The following PREPL variants were observed in gnomAD, a reference collection of about 807,000 sequenced individuals.
PREPL encodes the protein prolyl endopeptidase-like.
Under a neutral mutation model 70.6 loss-of-function variants are expected in PREPL, and 77 were observed. The observed-to-expected ratio is 1.09, with a 90% CI of 0.91 to 1.32. The LOEUF is 1.32. Ranked by LOEUF, PREPL falls within the 40% of genes most tolerant of loss-of-function variation. The pLI is 0.00. For missense variants in PREPL, 1,002 were observed against 778.2 expected, an observed-to-expected ratio of 1.29 and a Z score of -3.42; for synonymous variants, 315 against 264.8, an observed-to-expected ratio of 1.19 and a Z score of -1.84.
chr2:44,352,815 C>G (rs1430159537), intron 1 of PREPL, among the ~76,000 whole-genome samples: 1 of 152,002 alleles, frequency 6.6e-6, no homozygotes, highest in Non-Finnish European at 1.5e-5. Context: ...GAGAAGATAT[C>G]TACAGCACAT....
intron 8 of PREPL, among the ~76,000 whole-genome samples, chr2:44,330,056 ATTC>A (rs1262251612): frequency 1.3e-5 from 2 of 152,194 alleles, no homozygotes; most frequent in Non-Finnish European, 2.9e-5. Flanking sequence ...TTCTCCTCTC[ATTC>A]TTCTTTAAAA....
intron 1 of PREPL, among the ~76,000 whole-genome samples, chr2:44,349,669 A>C (rs547750588): frequency 2.0e-4 from 31 of 152,300 alleles, no homozygotes; most frequent in African/African-American, 7.2e-4. Flanking sequence ...AAACTGATAG[A>C]AAAAAGAATA....
At position 44,332,467 on chromosome 2, in the gene PREPL, T is replaced by C; in HGVS notation, c.1078A>G (p.Lys360Glu). The C allele has an allele frequency of 6.2e-7, 1 of 1,613,336 alleles. No individual in the cohort carries two copies. Among genetic ancestry groups the C allele is most frequent in the East Asian group, 2.2e-5 (1 of 44,874 alleles). Reference sequence around the variant, plus strand: ...AAGATTATAAGACCTACCTTGCTTTTGGCTTCTAGACGTAAAACGCGACTA... The same window carrying C: ...AAGATTATAAGACCTACCTTGCTTTCGGCTTCTAGACGTAAAACGCGACTA... ...KTSRVLRLEAKSKDGKLVPMT... is the reference protein window; with the variant it reads ...KTSRVLRLEAESKDGKLVPMT... Residue 360 changes from lysine (K) to glutamate (E), a missense_variant, in exon 8 of 14, where the codon AAA becomes GAA. Transcript: ENST00000409411.
In PREPL at chr2:44,342,413, G is replaced by A. The variant is rs1416450873; in HGVS notation, c.485+4C>T. 3 of 1,607,286 alleles carry A rather than the reference G, an allele frequency of 1.9e-6. No homozygotes were observed. Among genetic ancestry groups the A allele is most frequent in the Non-Finnish European group, 2.6e-6 (3 of 1,176,472 alleles). ...AGAAAGATTTAATTATATTATTCTA[G>A]TACCTTGGGTCTTTTTCTGTGTAAA... is the stretch of plus-strand genomic sequence containing the variant. On this transcript the variant is annotated splice_donor_region_variant and intron_variant, in intron 5 of 13. Transcript: ENST00000409411.
At chr2:44,334,956 G>A (rs1372542417) in intron 7 of PREPL, among the ~76,000 whole-genome samples, 1 of 152,166 alleles carries the variant, frequency 6.6e-6, no homozygotes, top group African/African-American at 2.4e-5. Context: ...TATGGTTAAA[G>A]ATTTTGTCTT....
In PREPL at chr2:44,329,064, C is replaced by T. The variant is rs140165185; in HGVS notation, c.1135G>A (p.Asp379Asn). 10 of 1,611,432 alleles carry T rather than the reference C, an allele frequency of 6.2e-6. No individual in the cohort carries two copies. The highest frequency in any genetic ancestry group is 8.5e-6 in the Non-Finnish European group (10 of 1,177,744). ...ACCAAGAGAGGTTTCTTCTGCAAGT[C>T]CTCAGAGTCAGTTTTGTGGAAAACA... ...MTVFHKTDSE[D>N]LQKKPLLVHV... The change falls in exon 9 of 14, where the codon GAC becomes AAC. Residue 379 changes from aspartate (D) to asparagine (N), a missense_variant. Coordinates refer to ENST00000409411, the MANE Select transcript of PREPL (RefSeq NM_001171613.2).
Position 44,343,905 on chromosome 2 carries a change from C to T in PREPL, c.189G>A (p.Lys63=). 2.5e-6 allele frequency: 4 copies of T among 1,614,054 alleles called. No homozygotes were observed. Among genetic ancestry groups the T allele is most frequent in the Non-Finnish European group, 2.5e-6 (3 of 1,179,954 alleles). ...YEVLFNLEEL[K]LDQPFIDCIR... The stretch of plus-strand genomic sequence containing the variant: ...TACAATCAATGAAGGGCTGGTCTAA[C>T]TTAAGTTCCTCCAAATTGAATAAAA... Residue 63 remains lysine (K), a synonymous_variant, in exon 4 of 14, where the codon AAG becomes AAA. Coordinates refer to ENST00000409411, the MANE Select transcript of PREPL (RefSeq NM_001171613.2).
intron 2 of PREPL, 119 bp from the exon 3 acceptor site, chr2:44,344,705 T>C (rs1464378773): frequency 3.4e-5 from 22 of 640,120 alleles, no homozygotes; most frequent in Non-Finnish European, 5.4e-5. Context: ...TTGAAGTATA[T>C]GAATGAACAC....
At chr2:44,350,513 AT>A (rs139645043) in intron 1 of PREPL, among the ~76,000 whole-genome samples, 15,146 of 152,282 alleles carry the variant, frequency 0.099, 815 homozygotes, top group African/African-American at 0.12. Flanking sequence ...ATTAATTCAT[AT>A]TAGCATATAC....
chr2:44,339,089 G>A lies in PREPL; in HGVS notation c.702+58C>T, dbSNP rs916752337. The A allele has an allele frequency of 5.7e-6, 9 of 1,592,488 alleles. No homozygotes were observed. In the African/African-American group the frequency reaches 1.1e-4, roughly 19 times the overall value. On this transcript the variant is annotated intron_variant, in intron 6 of 13. Coordinates refer to ENST00000409411, the MANE Select transcript of PREPL (RefSeq NM_001171613.2). ...AGCTCTTGGAGCAAGAAATGTTGTT[G>A]ATCGAAGTGTGACACTTCTTAACAG...
intron 1 of PREPL, among the ~76,000 whole-genome samples, chr2:44,350,088 T>G (rs1676252301): frequency 6.6e-6 from 1 of 152,202 alleles, no homozygotes; most frequent in South Asian, 2.1e-4. Context: ...ACTACTCATT[T>G]TATTAGGCTA....
rs144293821 is a variant in PREPL at position 44,320,760 on chromosome 2, T to C, written c.*596A>G. ...TTAATTCTTCGATATTTCTGTAGCT[T>C]GAATGTAACTGCTTTAAGAAAGGTT... is the stretch of plus-strand genomic sequence containing the variant. On this transcript the variant is annotated 3_prime_UTR_variant, in exon 14 of 14. Coordinates refer to ENST00000409411, the MANE Select transcript of PREPL (RefSeq NM_001171613.2). 1.2e-4 allele frequency: 102 copies of C among 824,340 alleles called. No homozygotes were observed. In the African/African-American group the frequency reaches 1.6e-3, roughly 13 times the overall value. The allele number at this position is 824,340 out of a possible 1,614,324, so 51.1% of individuals were successfully genotyped here. A position where few individuals can be genotyped will look rare whatever the true frequency, so the allele number is the denominator to read the frequency against.
chr2:44,346,685 A>T (rs1184175978), intron 1 of PREPL, among the ~76,000 whole-genome samples: 1 of 152,146 alleles, frequency 6.6e-6, no homozygotes, highest in Admixed American at 6.5e-5. Context: ...AATGTTCAGA[A>T]ATACTATGGG....
At chr2:44,331,180 T>G (rs1467869704) in intron 8 of PREPL, among the ~76,000 whole-genome samples, 1 of 152,204 alleles carries the variant, frequency 6.6e-6, no homozygotes, top group Non-Finnish European at 1.5e-5. Flanking sequence ...TGGGCTCAAG[T>G]GATCCTCCCA....
intron 1 of PREPL, chr2:44,360,445 C>T (rs937967933): frequency 2.6e-5 from 4 of 152,206 alleles, no homozygotes; most frequent in Admixed American, 6.5e-5. Context: ...GTTCCAAATA[C>T]TGGACATACT....
intron 7 of PREPL, among the ~76,000 whole-genome samples, chr2:44,338,016 T>C (rs1558500904): frequency 6.6e-6 from 1 of 152,192 alleles, no homozygotes; most frequent in Non-Finnish European, 1.5e-5. Flanking sequence ...AGGCACTAGC[T>C]ACCAACTTTG....
At position 44,326,698 on chromosome 2, in the gene PREPL, C is replaced by G; in HGVS notation, c.1479+14G>C. The G allele has an allele frequency of 6.2e-7, 1 of 1,605,844 alleles. No individual in the cohort carries two copies. Among genetic ancestry groups the G allele is most frequent in the South Asian group, 1.1e-5 (1 of 90,890 alleles). On this transcript the variant is annotated intron_variant, in intron 10 of 13. Coordinates refer to ENST00000409411, the MANE Select transcript of PREPL (RefSeq NM_001171613.2). The stretch of plus-strand genomic sequence containing the variant: ...TCCCCCATTCTATAAACAGTAGAGA[C>G]AGAGCGTACTCACCTCCAAAGTCAC...
chr2:44,351,436 A>G (rs2104115216), intron 1 of PREPL, among the ~76,000 whole-genome samples: 1 of 151,616 alleles, frequency 6.6e-6, no homozygotes, highest in Admixed American at 6.6e-5. Flanking sequence ...ACTACCCAAC[A>G]TTTTTACTTA....
At chr2:44,322,955 G>C in intron 11 of PREPL, 101 bp from the exon 12 acceptor site, 1 of 1,458,906 alleles carries the variant, frequency 6.9e-7, no homozygotes, top group East Asian at 2.3e-5. Flanking sequence ...TTCCCTGTAA[G>C]TGCTCTATGC....
Sources: gnomAD v4.1 joint callset for allele counts (sites outside exome capture counted in the v4.1 genomes callset) on GRCh38, gnomAD v4.1.1 for gene constraint, MANE v1.5 for transcripts, NCBI Gene and HGNC (gene_info 2026-07-23, HGNC 2026-07-21) for gene names.